KCNMA1: variants seen among roughly 807,000 people sequenced by gnomAD.
KCNMA1 encodes Calcium-activated potassium channel subunit alpha-1.
A neutral mutation model predicts 140.0 loss-of-function variants in KCNMA1; 29 were observed. That is an observed-to-expected ratio of 0.21 (90% CI 0.15 to 0.28). The LOEUF (loss-of-function observed/expected upper bound fraction) is 0.28, where lower values mean the gene tolerates loss of function less well. Ranked by LOEUF, KCNMA1 falls within the 10% of genes least tolerant of loss-of-function variation. The pLI is 1.00. For missense variants in KCNMA1, 880 were observed against 1,602.2 expected (o/e 0.55, Z 7.70); for synonymous variants, 612 against 611.9 (o/e 1.00, Z 0.00).
chr10:77,177,599 A>G (rs553584642), intron 5 of KCNMA1, among the ~76,000 whole-genome samples: 39 of 151,750 alleles, frequency 2.6e-4, no homozygotes, highest in Non-Finnish European at 5.3e-4. Flanking sequence ...CATCCTCCCC[A>G]GTAGCAAGGC....
At chr10:77,447,367 G>A in intron 1 of KCNMA1, among the ~76,000 whole-genome samples, 1 of 148,112 alleles carries the variant, frequency 6.8e-6, no homozygotes, top group Non-Finnish European at 1.5e-5. Context: ...GCTCAAACTG[G>A]TCTCCACCAG....
chr10:77,373,705 C>T (rs1016998040), intron 2 of KCNMA1: 3 of 152,188 alleles, frequency 2.0e-5, no homozygotes, highest in African/African-American at 4.8e-5. Flanking sequence ...AGTCATCCAT[C>T]CCACTGATGC....
chr10:77,499,536 A>T (rs540261996), intron 1 of KCNMA1, among the ~76,000 whole-genome samples: 2 of 152,136 alleles, frequency 1.3e-5, no homozygotes, highest in East Asian at 3.9e-4. Flanking sequence ...ATATCAGATT[A>T]TCTATGAAAA....
At chr10:77,529,785 C>A (rs1360003287) in intron 1 of KCNMA1, among the ~76,000 whole-genome samples, 1 of 152,072 alleles carries the variant, frequency 6.6e-6, no homozygotes, top group Non-Finnish European at 1.5e-5. Context: ...CAAGAGCCCC[C>A]ACGTGGGCCT....
chr10:77,517,726 A>G (rs533195410), intron 1 of KCNMA1, among the ~76,000 whole-genome samples: 1 of 152,180 alleles, frequency 6.6e-6, no homozygotes, highest in South Asian at 2.1e-4. Context: ...TGCTGAGTCC[A>G]TGCATTTGTT....
intron 1 of KCNMA1, among the ~76,000 whole-genome samples, chr10:77,533,293 GCAGACTAGC>G (rs1430260400): frequency 6.6e-6 from 1 of 152,126 alleles, no homozygotes; most frequent in African/African-American, 2.4e-5. Flanking sequence ...AGTCTACTGG[GCAGACTAGC>G]CAACACACAG....
intron 2 of KCNMA1, among the ~76,000 whole-genome samples, chr10:77,368,914 T>A (rs1008634634): frequency 6.6e-6 from 1 of 152,248 alleles, no homozygotes; most frequent in African/African-American, 2.4e-5. Flanking sequence ...TTTGCCAATA[T>A]GACACTGTCT....
At chr10:77,475,327 G>C (rs2098255254) in intron 1 of KCNMA1, among the ~76,000 whole-genome samples, 1 of 152,158 alleles carries the variant, frequency 6.6e-6, no homozygotes, top group South Asian at 2.1e-4. Context: ...TTCAGAGTTG[G>C]GGCCGGAGTG....
chr10:77,541,567 C>T (rs1441511613), intron 1 of KCNMA1, among the ~76,000 whole-genome samples: 4 of 152,230 alleles, frequency 2.6e-5, no homozygotes, highest in East Asian at 1.9e-4. Flanking sequence ...CTTGAAACTA[C>T]GTGACTCTAT....
At chr10:77,245,276 T>C (rs866750599) in intron 3 of KCNMA1, among the ~76,000 whole-genome samples, 2 of 152,196 alleles carry the variant, frequency 1.3e-5, no homozygotes, top group African/African-American at 4.8e-5. Flanking sequence ...TCCTTTTCCA[T>C]GTCACAGGCT....
intron 5 of KCNMA1, among the ~76,000 whole-genome samples, chr10:77,149,528 G>T (rs529222920): frequency 6.6e-6 from 1 of 152,222 alleles, no homozygotes; most frequent in African/African-American, 2.4e-5. Flanking sequence ...ATGAGGAAAT[G>T]AATGCAAGAT....
chr10:77,091,297 G>A (rs1191197307), intron 9 of KCNMA1: 1 of 152,330 alleles, frequency 6.6e-6, no homozygotes, highest in Non-Finnish European at 1.5e-5. Flanking sequence ...GGAATTGCTC[G>A]CCTTGTTTGA....
At chr10:77,301,477 T>G (rs1170739144) in intron 2 of KCNMA1, among the ~76,000 whole-genome samples, 1 of 152,224 alleles carries the variant, frequency 6.6e-6, no homozygotes, top group Non-Finnish European at 1.5e-5. Flanking sequence ...AATCTGTTTC[T>G]AGGTAAACTT....
intron 9 of KCNMA1, among the ~76,000 whole-genome samples, chr10:77,100,020 T>C (rs1241868294): frequency 1.3e-5 from 2 of 152,210 alleles, no homozygotes; most frequent in East Asian, 1.9e-4. Context: ...TATTGTACAC[T>C]TCCATGATTT....
At chr10:76,883,764 A>C (rs4980115), downstream of KCNMA1, among the ~76,000 whole-genome samples, 5,092 of 143,078 alleles carry the variant, frequency 0.036, 304 homozygotes, top group African/African-American at 0.12. Flanking sequence ...GAACAGGAAG[A>C]GATATAATAA....
At chr10:77,006,793 G>A (rs2088889141) in intron 18 of KCNMA1, among the ~76,000 whole-genome samples, 1 of 152,174 alleles carries the variant, frequency 6.6e-6, no homozygotes, top group African/African-American at 2.4e-5. Context: ...AATTTAGTAT[G>A]CAGCTCTGCA....
intron 14 of KCNMA1, among the ~76,000 whole-genome samples, chr10:77,040,048 A>ATTTT (rs35787824): frequency 7.0e-6 from 1 of 143,560 alleles, no homozygotes; most frequent in South Asian, 2.3e-4. Context: ...ACACCTGGCA[A>ATTTT]TTTTTTTTTT....
chr10:77,477,450 A>T (rs1797151158), intron 1 of KCNMA1, among the ~76,000 whole-genome samples: 1 of 152,178 alleles, frequency 6.6e-6, no homozygotes. Flanking sequence ...CTCACAGGGG[A>T]AAGACTGCCT....
chr10:77,167,048 C>T (rs2098650410), intron 5 of KCNMA1, among the ~76,000 whole-genome samples: 1 of 152,150 alleles, frequency 6.6e-6, no homozygotes, highest in African/African-American at 2.4e-5. Context: ...CCCTACTGAT[C>T]TATCAAACAC....
Sources: allele counts gnomAD v4.1 joint callset (sites outside exome capture counted in the v4.1 genomes callset), GRCh38; gene constraint gnomAD v4.1.1; transcripts MANE v1.5; gene names NCBI Gene and HGNC (gene_info 2026-07-23, HGNC 2026-07-21).